Variants in CCNB3 observed in about 807,000 individuals in gnomAD.
CCNB3 encodes cyclin B3, also known as G2/mitotic-specific cyclin-B3.
A neutral mutation model predicts 68.0 loss-of-function variants in CCNB3; 12 were observed. That is an observed-to-expected ratio of 0.18 (90% CI 0.11 to 0.29). The LOEUF (loss-of-function observed/expected upper bound fraction) is 0.29, where lower values mean the gene tolerates loss of function less well. Ranked by LOEUF, CCNB3 falls within the 10% of genes least tolerant of loss-of-function variation. CCNB3 has a pLI of 1.00. For missense variants in CCNB3, 904 were observed against 993.1 expected, an observed-to-expected ratio of 0.91 and a Z score of 1.21; for synonymous variants, 354 against 388.9, an observed-to-expected ratio of 0.91 and a Z score of 1.06.
chrX:50,226,495 TA>T (rs1312296862), intron 1 of CCNB3, among the ~76,000 whole-genome samples: 12 of 70,702 alleles, frequency 1.7e-4, no homozygotes, highest in South Asian at 7.0e-4. Context: ...ATAGAATATA[TA>T]AAAATATATA....
chrX:50,310,436 A>C lies in CCNB3; in HGVS notation c.2267A>C (p.His756Pro). 8.3e-7 allele frequency: 1 copy of C among 1,210,647 alleles called. No homozygotes were observed. The highest frequency in any genetic ancestry group is 1.1e-6 in the Non-Finnish European group (1 of 894,538). ...TCTTTAAAGAAGAAGTCCACTTCTC[A>C]TGGAAAAGTGTTCTTCCTGAAGAAG... ...QLSLKKKSTS[H>P]GKVFFLKKQL... The change falls in exon 6 of 13, where the codon CAT becomes CCT. Residue 756 changes from histidine to proline, a missense_variant. By Grantham distance (77) the His-to-Pro change is moderately conservative. This residue lies in a region of CCNB3 where 619 missense variants were observed against 609.8 expected (regional missense o/e 1.02). Transcript: ENST00000376042.
intron 5 of CCNB3, among the ~76,000 whole-genome samples, chrX:50,302,653 A>C (rs1468365582): frequency 7.2e-5 from 8 of 111,155 alleles, no homozygotes; most frequent in Non-Finnish European, 1.9e-5. Context: ...GCAACCACTA[A>C]TCTTACTTTC....
At chrX:50,223,375 C>T (rs1293564343) in intron 1 of CCNB3, among the ~76,000 whole-genome samples, 3 of 111,722 alleles carry the variant, frequency 2.7e-5, no homozygotes, top group Non-Finnish European at 5.6e-5. Context: ...CCTTTTTGCA[C>T]TGGTTTTTCC....
At chrX:50,333,495 G>A (rs1217985898) in intron 8 of CCNB3, among the ~76,000 whole-genome samples, 2 of 111,518 alleles carry the variant, frequency 1.8e-5, no homozygotes, top group Non-Finnish European at 1.9e-5. Flanking sequence ...GTTGTGTTAC[G>A]GCTTTGGCAA....
intron 1 of CCNB3, among the ~76,000 whole-genome samples, chrX:50,226,011 A>C (rs1448344373): frequency 1.2e-5 from 1 of 83,095 alleles, no homozygotes; most frequent in Non-Finnish European, 2.3e-5. Context: ...ATATATATAG[A>C]ATATATACAA....
intron 1 of CCNB3, among the ~76,000 whole-genome samples, chrX:50,227,851 AAT>A (rs1306983988): frequency 1.2e-5 from 1 of 83,078 alleles, no homozygotes; most frequent in Non-Finnish European, 2.2e-5. Context: ...AGAATATATA[AAT>A]ATATATGGAG....
intron 1 of CCNB3, among the ~76,000 whole-genome samples, chrX:50,225,513 TG>T (rs1935739526): frequency 9.0e-6 from 1 of 110,617 alleles, no homozygotes; most frequent in African/African-American, 3.3e-5. Flanking sequence ...TTGCTCTTGT[TG>T]TTGTGTTGTA....
chrX:50,347,602 A>G, intron 10 of CCNB3, 24 bp from the exon 11 acceptor site: 1 of 1,192,059 alleles, frequency 8.4e-7, no homozygotes, highest in Non-Finnish European at 1.1e-6. Context: ...TTGATTTCTG[A>G]GCCAGTCTTC....
chrX:50,333,748 G>A (rs1922715484), intron 8 of CCNB3, among the ~76,000 whole-genome samples: 1 of 110,605 alleles, frequency 9.0e-6, no homozygotes, highest in Non-Finnish European at 1.9e-5. Context: ...AGGGAGTAAG[G>A]GGGCTGCTAC....
chrX:50,339,383 C>T (rs1450386738), intron 8 of CCNB3, among the ~76,000 whole-genome samples: 26 of 112,312 alleles, frequency 2.3e-4, no homozygotes, highest in South Asian at 1.1e-3. Flanking sequence ...CCAAAGGAAC[C>T]GATCAGATAT....
chrX:50,293,821 T>G (rs1405623090), intron 4 of CCNB3, among the ~76,000 whole-genome samples: 1 of 112,518 alleles, frequency 8.9e-6, no homozygotes, highest in African/African-American at 3.2e-5. Flanking sequence ...ATACTATTTA[T>G]AAGTGACTTG....
intron 10 of CCNB3, 122 bp downstream of exon 10, chrX:50,346,929 C>T (rs1270141530): frequency 2.8e-6 from 2 of 720,733 alleles, no homozygotes; most frequent in African/African-American, 4.4e-5. Flanking sequence ...GAGCTTTCTC[C>T]TTCCATCCAA....
chrX:50,292,318 G>A (rs1471044530), intron 4 of CCNB3, among the ~76,000 whole-genome samples: 3 of 109,657 alleles, frequency 2.7e-5, no homozygotes, highest in Non-Finnish European at 5.7e-5. Flanking sequence ...CATTTCCATA[G>A]CCTTTTTTTT....
At chrX:50,292,035 C>T (rs948251864) in intron 4 of CCNB3, among the ~76,000 whole-genome samples, 7 of 111,584 alleles carry the variant, frequency 6.3e-5, no homozygotes, top group Non-Finnish European at 1.3e-4. Flanking sequence ...TTTTGTCCCA[C>T]GTGCTTTCTC....
chrX:50,295,476 A>G (rs781870712), intron 5 of CCNB3, among the ~76,000 whole-genome samples: 6 of 111,757 alleles, frequency 5.4e-5, no homozygotes, highest in Non-Finnish European at 9.4e-5. Context: ...CACAGGTTCT[A>G]CAAGTACAGA....
Position 50,294,845 on chromosome X carries a change from C to T in CCNB3, c.205-18C>T. 1 of 1,186,201 alleles carries T rather than the reference C, an allele frequency of 8.4e-7. No individual in the cohort carries two copies. The highest frequency in any genetic ancestry group is 1.9e-5 in the South Asian group (1 of 53,424). ...CCTCCTTCTTCCCCTGCCCCCCAAC[C>T]CACCTTTTTTTTTGCAGGCTTCTCA... On this transcript the variant is annotated intron_variant, in intron 4 of 12. Coordinates refer to ENST00000376042, the MANE Select transcript of CCNB3 (RefSeq NM_033031.3).
At chrX:50,314,034 T>C (rs1602228390) in intron 8 of CCNB3, 86 bp downstream of exon 8, 2 of 668,836 alleles carry the variant, frequency 3.0e-6, no homozygotes, top group East Asian at 6.5e-5. Flanking sequence ...AAAAATGTAC[T>C]GGGTCTATAG....
At chrX:50,345,643 C>G (rs1923365571) in intron 9 of CCNB3, among the ~76,000 whole-genome samples, 1 of 111,506 alleles carries the variant, frequency 9.0e-6, no homozygotes, top group Non-Finnish European at 1.9e-5. Flanking sequence ...AGGGCCCCTA[C>G]CAAGTCCATG....
chrX:50,331,434 C>T (rs1025533148), intron 8 of CCNB3, among the ~76,000 whole-genome samples: 9 of 112,046 alleles, frequency 8.0e-5, no homozygotes, highest in Non-Finnish European at 1.1e-4. Context: ...CTGTCCCAGA[C>T]AACTAAGTCA....
Sources: allele counts gnomAD v4.1 joint callset (sites outside exome capture counted in the v4.1 genomes callset), GRCh38; gene constraint gnomAD v4.1.1; regional missense constraint gnomAD v4.1.1; transcripts MANE v1.5; gene names NCBI Gene and HGNC (gene_info 2026-07-23, HGNC 2026-07-21).